The following AGBL1 variants were observed in gnomAD, a reference collection of about 807,000 sequenced individuals.
AGBL1 encodes the protein cytosolic carboxypeptidase 4.
A neutral mutation model predicts 118.9 loss-of-function variants in AGBL1; 130 were observed. The ratio of observed to expected loss-of-function variants is 1.09; its 90% confidence interval spans 0.95 to 1.26. AGBL1 has a LOEUF of 1.26. AGBL1 is among the 50% of genes most tolerant of loss of function. AGBL1 has a pLI of 0.00. For missense variants in AGBL1, 1,584 were observed against 1,298.1 expected (o/e 1.22, Z -3.38); for synonymous variants, 555 against 478.9 (o/e 1.16, Z -2.08).
At chr15:86,219,912 C>T (rs2078251631) in intron 5 of AGBL1, among the ~76,000 whole-genome samples, 1 of 148,968 alleles carries the variant, frequency 6.7e-6, no homozygotes, top group Non-Finnish European at 1.5e-5. Flanking sequence ...GATTTAAATT[C>T]ACCCAGAGGT....
At chr15:86,518,318 A>G (rs2142192361) in intron 18 of AGBL1, among the ~76,000 whole-genome samples, 1 of 152,158 alleles carries the variant, frequency 6.6e-6, no homozygotes, top group South Asian at 2.1e-4. Context: ...TTCTCAGTAG[A>G]TAAACGAGAT....
intron 6 of AGBL1, among the ~76,000 whole-genome samples, chr15:86,239,692 C>A (rs2078611262): frequency 6.6e-6 from 1 of 152,182 alleles, no homozygotes; most frequent in Non-Finnish European, 1.5e-5. Context: ...ACTCTTACCA[C>A]AATTTAGGGC....
chr15:86,970,495 G>T (rs1296296712), intron 23 of AGBL1, among the ~76,000 whole-genome samples: 4 of 151,882 alleles, frequency 2.6e-5, no homozygotes, highest in Admixed American at 2.6e-4. Context: ...AGAAACTCAG[G>T]CTCAACGACG....
intron 22 of AGBL1, among the ~76,000 whole-genome samples, chr15:86,819,695 A>G (rs1462247190): frequency 2.6e-5 from 4 of 152,180 alleles, no homozygotes; most frequent in African/African-American, 9.7e-5. Flanking sequence ...CAGAATCTAC[A>G]TTATGAAAAT....
intron 23 of AGBL1, among the ~76,000 whole-genome samples, chr15:86,956,238 TAG>T (rs1491580028): frequency 6.6e-6 from 1 of 151,662 alleles, no homozygotes; most frequent in Non-Finnish European, 1.5e-5. Flanking sequence ...GATAGATAGA[TAG>T]ATAGATAGAT....
intron 21 of AGBL1, among the ~76,000 whole-genome samples, chr15:86,644,059 C>T (rs1038643655): frequency 2.6e-5 from 4 of 152,072 alleles, no homozygotes; most frequent in Non-Finnish European, 4.4e-5. Context: ...AAAAATTTAA[C>T]GTTTAAGTGG....
At chr15:86,096,533 C>A (rs1170157538) in intron 1 of AGBL1, among the ~76,000 whole-genome samples, 2 of 151,986 alleles carry the variant, frequency 1.3e-5, no homozygotes, top group African/African-American at 4.8e-5. Flanking sequence ...TTATATTGTT[C>A]CATGATTCAC....
chr15:86,843,780 G>T (rs2079280631), intron 22 of AGBL1, among the ~76,000 whole-genome samples: 1 of 152,104 alleles, frequency 6.6e-6, no homozygotes, highest in Admixed American at 6.5e-5. Context: ...GTAAGCGTAA[G>T]GCTCAATGAT....
chr15:86,320,442 T>G (rs1360889243), intron 17 of AGBL1, among the ~76,000 whole-genome samples: 1 of 152,052 alleles, frequency 6.6e-6, no homozygotes, highest in Non-Finnish European at 1.5e-5. Context: ...ATGTGATGGA[T>G]TTTTCTATAT....
At chr15:86,739,546 G>C (rs1315965229) in intron 22 of AGBL1, among the ~76,000 whole-genome samples, 2 of 147,812 alleles carry the variant, frequency 1.4e-5, no homozygotes, top group Non-Finnish European at 3.0e-5. Flanking sequence ...AATTAGACAT[G>C]TGAGAGTAAC....
At chr15:86,273,707 A>T (rs546676749) in intron 15 of AGBL1, among the ~76,000 whole-genome samples, 3 of 152,262 alleles carry the variant, frequency 2.0e-5, no homozygotes, top group Admixed American at 6.5e-5. Context: ...CTTGTCTCCA[A>T]TATATCTTTA....
chr15:86,831,804 T>C (rs1396575342), intron 22 of AGBL1, among the ~76,000 whole-genome samples: 1 of 152,202 alleles, frequency 6.6e-6, no homozygotes, highest in African/African-American at 2.4e-5. Flanking sequence ...CACTAGGCAG[T>C]GCCCCAGTGG....
chr15:86,737,680 CA>C (rs530623706), intron 22 of AGBL1, among the ~76,000 whole-genome samples: 276 of 152,182 alleles, frequency 1.8e-3, no homozygotes, highest in African/African-American at 6.0e-3. Context: ...GGTGGGGTTT[CA>C]ATGGTAAAGA....
At chr15:86,635,958 C>T (rs2085075038) in intron 21 of AGBL1, among the ~76,000 whole-genome samples, 1 of 152,088 alleles carries the variant, frequency 6.6e-6, no homozygotes, top group Non-Finnish European at 1.5e-5. Context: ...ATTAGAAGCT[C>T]TAATGGTGGG....
In AGBL1 at chr15:86,267,109, G is replaced by A. The variant is rs148567598; in HGVS notation, c.1838+33G>A. 330 of 1,494,180 alleles carry A rather than the reference G, an allele frequency of 2.2e-4. 3 individuals carry two copies. Among genetic ancestry groups the A allele is most frequent in the African/African-American group, 2.1e-3 (152 of 72,000 alleles). 92.6% of individuals were successfully genotyped at this position (1,494,180 alleles called of 1,614,324 possible). ...AGGAAAACCACAGTGGGTGTCTCCT[G>A]TCAGTTCGTAAGAGCAAGCTGTGAC... On this transcript the variant is annotated intron_variant, in intron 13 of 22. Coordinates refer to ENST00000614907, the MANE Select transcript of AGBL1 (RefSeq NM_001386094.1).
intron 22 of AGBL1, among the ~76,000 whole-genome samples, chr15:86,814,778 T>C (rs1043938968): frequency 2.6e-5 from 4 of 152,206 alleles, no homozygotes; most frequent in Non-Finnish European, 5.9e-5. Context: ...CAGTCAATTT[T>C]TGATTTCTTA....
intron 23 of AGBL1, among the ~76,000 whole-genome samples, chr15:86,985,778 C>T (rs1317388704): frequency 3.9e-5 from 6 of 152,174 alleles, no homozygotes; most frequent in East Asian, 3.9e-4. Flanking sequence ...TATATTGTTG[C>T]TGTTGTATCT....
intron 1 of AGBL1, among the ~76,000 whole-genome samples, chr15:86,115,815 G>T (rs1897718013): frequency 6.6e-6 from 1 of 152,166 alleles, no homozygotes; most frequent in Admixed American, 6.5e-5. Flanking sequence ...CTCTGGTCCT[G>T]ACTTTTCCAT....
At chr15:86,555,410 A>G (rs2083720316) in intron 21 of AGBL1, among the ~76,000 whole-genome samples, 1 of 152,170 alleles carries the variant, frequency 6.6e-6, no homozygotes, top group African/African-American at 2.4e-5. Flanking sequence ...GCTTGTAGAA[A>G]TCTGTTAGTT....
Sources: gnomAD v4.1 joint callset for allele counts (sites outside exome capture counted in the v4.1 genomes callset) on GRCh38, gnomAD v4.1.1 for gene constraint, MANE v1.5 for transcripts, NCBI Gene and HGNC (gene_info 2026-07-23, HGNC 2026-07-21) for gene names.